Variants in EGFLAM observed in about 807,000 individuals in gnomAD.
EGFLAM encodes pikachurin.
EGFLAM carries 79 observed loss-of-function variants against 113.1 expected under a neutral mutation model. The observed-to-expected ratio is 0.70, with a 90% CI of 0.58 to 0.84. EGFLAM has a LOEUF of 0.84. Ranked by LOEUF, EGFLAM falls within the 40% of genes least tolerant of loss-of-function variation. The pLI is 0.00. For synonymous variants in EGFLAM, 504 were observed against 487.6 expected (o/e 1.03, Z -0.44); for missense variants, 1,265 against 1,291.6 (o/e 0.98, Z 0.32).
intron 11 of EGFLAM, among the ~76,000 whole-genome samples, chr5:38,414,415 A>T (rs1421217428): frequency 6.6e-6 from 1 of 152,246 alleles, no homozygotes; most frequent in Non-Finnish European, 1.5e-5. Context: ...CTAATCGCTT[A>T]AAGTGGGGGA....
chr5:38,263,658 T>C (rs1302629818), intron 1 of EGFLAM, among the ~76,000 whole-genome samples: 3 of 152,214 alleles, frequency 2.0e-5, no homozygotes, highest in Admixed American at 1.3e-4. Flanking sequence ...TAAAGTCTAA[T>C]TTATCATTTT....
At chr5:38,370,529 A>C in intron 6 of EGFLAM, 67 bp downstream of exon 6, 9 of 1,540,228 alleles carry the variant, frequency 5.8e-6, no homozygotes, top group Non-Finnish European at 7.9e-6. Context: ...ATGAAGACTC[A>C]CTTGACCTGG....
chr5:38,390,386 A>G (rs1740778979), intron 6 of EGFLAM, among the ~76,000 whole-genome samples: 1 of 152,224 alleles, frequency 6.6e-6, no homozygotes. Context: ...ACATTCTACT[A>G]TATGAGTATA....
chr5:38,404,704 G>A (rs1287499854), intron 6 of EGFLAM, among the ~76,000 whole-genome samples: 1 of 152,142 alleles, frequency 6.6e-6, no homozygotes, highest in African/African-American at 2.4e-5. Flanking sequence ...ATGAGTGGCA[G>A]CATCCTACCA....
chr5:38,424,932 G>A (rs1268037493), intron 12 of EGFLAM, 35 bp from the exon 13 acceptor site: 2 of 1,610,048 alleles, frequency 1.2e-6, no homozygotes, highest in African/African-American at 1.3e-5. Context: ...GGCACACATG[G>A]AGGATTGGCT....
intron 6 of EGFLAM, chr5:38,401,687 G>T (rs1409546107): frequency 6.6e-6 from 1 of 152,190 alleles, no homozygotes; most frequent in African/African-American, 2.4e-5. Flanking sequence ...TTGAGTACAT[G>T]AAGTGTTAGT....
At position 38,409,083 on chromosome 5, in the gene EGFLAM, TC is replaced by T; in HGVS notation, c.1330del (p.Arg444AspfsTer18). ...GRGDFMSLAI[I>X]RRSLQFRFNC... ...GGGGATTTCATGTCCCTGGCTATCA[TC>T]CGACGCTCCCTGCAGTTCAGGTAAT... On this transcript the variant is annotated frameshift_variant, in exon 10 of 22. Transcript: ENST00000322350. LOFTEE classifies it high-confidence loss of function. The T allele has an allele frequency of 6.3e-7, 1 of 1,584,834 alleles. No individual in the cohort carries two copies. Among genetic ancestry groups the T allele is most frequent in the Non-Finnish European group, 8.6e-7 (1 of 1,163,622 alleles).
chr5:38,441,947 C>G (rs1392464793), intron 17 of EGFLAM, among the ~76,000 whole-genome samples: 1 of 152,088 alleles, frequency 6.6e-6, no homozygotes, highest in Non-Finnish European at 1.5e-5. Flanking sequence ...TAAGACAGAG[C>G]CAATAGCTGT....
chr5:38,426,289 A>G (rs1159006920), intron 13 of EGFLAM, among the ~76,000 whole-genome samples: 1 of 152,218 alleles, frequency 6.6e-6, no homozygotes, highest in African/African-American at 2.4e-5. Context: ...ATGCACACAA[A>G]TACACATATG....
At chr5:38,272,440 C>T (rs2111721004) in intron 1 of EGFLAM, among the ~76,000 whole-genome samples, 1 of 152,206 alleles carries the variant, frequency 6.6e-6, no homozygotes, top group South Asian at 2.1e-4. Context: ...TTGAAAAGGT[C>T]AAGTTGCGGG....
chr5:38,326,865 C>A (rs1483997125), intron 1 of EGFLAM, among the ~76,000 whole-genome samples: 3 of 148,646 alleles, frequency 2.0e-5, no homozygotes, highest in Admixed American at 6.8e-5. Flanking sequence ...ATGGCGCAAT[C>A]TCGGCTCACA....
At chr5:38,296,957 A>G (rs1443443323) in intron 1 of EGFLAM, among the ~76,000 whole-genome samples, 1 of 152,110 alleles carries the variant, frequency 6.6e-6, no homozygotes, top group Non-Finnish European at 1.5e-5. Context: ...ACAAACCCAA[A>G]TTGAGGGATA....
chr5:38,266,092 C>A (rs567974552), intron 1 of EGFLAM, among the ~76,000 whole-genome samples: 1 of 152,320 alleles, frequency 6.6e-6, no homozygotes, highest in African/African-American at 2.4e-5. Context: ...AAGAGGGAAA[C>A]CTTGCAATGG....
At chr5:38,291,951 C>G (rs1316342367) in intron 1 of EGFLAM, among the ~76,000 whole-genome samples, 1 of 152,202 alleles carries the variant, frequency 6.6e-6, no homozygotes, top group Non-Finnish European at 1.5e-5. Context: ...ACAGCACAAT[C>G]AATGGCCCCA....
At chr5:38,379,236 A>G (rs977008613) in intron 6 of EGFLAM, among the ~76,000 whole-genome samples, 5 of 152,140 alleles carry the variant, frequency 3.3e-5, no homozygotes, top group South Asian at 2.1e-4. Context: ...AACTGAGTGT[A>G]TGAAATAAAC....
At chr5:38,445,710 CAG>C in intron 17 of EGFLAM, 7 of 1,598,224 alleles carry the variant, frequency 4.4e-6, no homozygotes, top group Non-Finnish European at 5.9e-6. Flanking sequence ...ATAGTAAGTA[CAG>C]TAAGTCCTGT....
intron 13 of EGFLAM, among the ~76,000 whole-genome samples, chr5:38,425,840 A>G (rs370785412): frequency 2.0e-5 from 3 of 152,340 alleles, no homozygotes; most frequent in African/African-American, 4.8e-5. Flanking sequence ...AAGATTGGGA[A>G]GATGAGGCCA....
At chr5:38,283,844 T>A (rs1406076980) in intron 1 of EGFLAM, 1 of 152,232 alleles carries the variant, frequency 6.6e-6, no homozygotes, top group East Asian at 1.9e-4. Flanking sequence ...AGCCCAGGTT[T>A]GTAAGACGGT....
At chr5:38,290,673 C>G (rs1758302980) in intron 1 of EGFLAM, 1 of 152,252 alleles carries the variant, frequency 6.6e-6, no homozygotes, top group Admixed American at 6.5e-5. Flanking sequence ...ACTTGGAGTT[C>G]CCTTTGCCTC....
Sources: gnomAD v4.1 joint callset for allele counts (sites outside exome capture counted in the v4.1 genomes callset) on GRCh38, gnomAD v4.1.1 for gene constraint, MANE v1.5 for transcripts, NCBI Gene and HGNC (gene_info 2026-07-23, HGNC 2026-07-21) for gene names.